Variants in MACROD1 observed in about 807,000 individuals in gnomAD.
MACROD1 encodes mono-ADP ribosylhydrolase 1.
In MACROD1, 31 loss-of-function variants were observed where a neutral mutation model predicts 41.4. That is an observed-to-expected ratio of 0.75 (90% CI 0.56 to 1.01). MACROD1 has a LOEUF of 1.01. MACROD1 is among the 50% of genes least tolerant of loss of function. MACROD1 has a pLI of 0.00. For synonymous variants in MACROD1, 252 were observed against 203.4 expected, an observed-to-expected ratio of 1.24 and a Z score of -2.03; for missense variants, 473 against 460.0, an observed-to-expected ratio of 1.03 and a Z score of -0.26.
At chr11:64,154,602 C>G (rs143651345) in intron 1 of MACROD1, among the ~76,000 whole-genome samples, 35 of 152,346 alleles carry the variant, frequency 2.3e-4, no homozygotes, top group African/African-American at 6.5e-4. Flanking sequence ...CCACCTCACT[C>G]CCAATGCTGC....
chr11:64,039,499 T>C (rs1306195972), intron 3 of MACROD1, among the ~76,000 whole-genome samples: 1 of 151,846 alleles, frequency 6.6e-6, no homozygotes, highest in Non-Finnish European at 1.5e-5. Context: ...GGCAGCTGCA[T>C]TCTGTCCTCT....
intron 3 of MACROD1, among the ~76,000 whole-genome samples, chr11:64,055,228 GA>G (rs1243103670): frequency 1.3e-5 from 2 of 152,248 alleles, no homozygotes; most frequent in East Asian, 3.8e-4. Context: ...GGAGCAGGGT[GA>G]GGGGCAGCCA....
At position 64,120,600 on chromosome 11, in the gene MACROD1, G is replaced by T. The variant is rs1378734959; in HGVS notation, c.517+30639C>A. ...CTCGGGAGGCTGAGGCAGGAGAATC[G>T]CTTGAACCAGGGAGGCAGAGGCTGC... is the stretch of plus-strand genomic sequence containing the variant. On this transcript the variant is annotated intron_variant, in intron 3 of 10. Coordinates refer to ENST00000255681, the MANE Select transcript of MACROD1 (RefSeq NM_014067.4). The surrounding 1 kb of genome is among the most constrained non-coding windows in gnomAD (Gnocchi z 4.5). 6.6e-6 allele frequency among the ~76,000 whole-genome samples: 1 copy of T among 152,052 alleles called. No homozygotes were observed. Among genetic ancestry groups the T allele is most frequent in the Non-Finnish European group, 1.5e-5 (1 of 67,996 alleles).
chr11:64,056,606 G>T (rs933270500), intron 3 of MACROD1, among the ~76,000 whole-genome samples: 4 of 152,234 alleles, frequency 2.6e-5, no homozygotes, highest in Admixed American at 1.3e-4. Context: ...CCTGAGTCCG[G>T]ATGGCAGCAG....
chr11:64,116,771 T>G, intron 3 of MACROD1: 1 of 1,613,556 alleles, frequency 6.2e-7, no homozygotes. Context: ...CCGTCAGCAT[T>G]GAGGAGGACG....
In MACROD1 at chr11:64,033,701, C is replaced by T. The variant is rs372460743; in HGVS notation, c.518-18420G>A. On this transcript the variant is annotated intron_variant, in intron 3 of 10. Transcript: ENST00000255681. ...GCTAAAAATACAAAAATTAGCCAGG[C>T]GTAGTGGTGCATTCCTGTAGTTCCA... Among the ~76,000 whole-genome samples, 82 of 151,882 alleles carry T rather than the reference C, an allele frequency of 5.4e-4. No individual in the cohort carries two copies. In the East Asian group the frequency reaches 0.013, roughly 25 times the overall value.
chr11:64,117,437 G>T lies in MACROD1; in HGVS notation c.517+33802C>A, dbSNP rs148382868. The T allele has an allele frequency of 1.3e-4, 202 of 1,612,902 alleles. No individual in the cohort carries two copies. The South Asian group carries it at 2.0e-3, about 16-fold the overall frequency. On this transcript the variant is annotated intron_variant, in intron 3 of 10. Transcript: ENST00000255681. ...GGCCGCAGGGCGGCGTGGCCAATGCGGCTGCCAAGACCACGGCCAGCAACC... is the reference window on the plus strand; with the variant it reads ...GGCCGCAGGGCGGCGTGGCCAATGCTGCTGCCAAGACCACGGCCAGCAACC...
intron 3 of MACROD1, chr11:64,148,838 G>A: frequency 1.0e-6 from 1 of 985,676 alleles, no homozygotes; most frequent in East Asian, 1.1e-4. Context: ...GGGCACAGGG[G>A]CTGGGGTGGG....
chr11:64,114,462 T>C (rs988321892), intron 3 of MACROD1, among the ~76,000 whole-genome samples: 10 of 148,998 alleles, frequency 6.7e-5, no homozygotes, highest in Admixed American at 1.3e-4. Context: ...AATGGATGGA[T>C]AGATGGATGG....
At chr11:64,002,636 G>A (rs918628838) in intron 4 of MACROD1, among the ~76,000 whole-genome samples, 1 of 152,086 alleles carries the variant, frequency 6.6e-6, no homozygotes, top group Non-Finnish European at 1.5e-5. Flanking sequence ...CAGCCTTCTC[G>A]CTCTCTCCCC....
chr11:64,068,427 A>G (rs1196854544), intron 3 of MACROD1, among the ~76,000 whole-genome samples: 1 of 152,250 alleles, frequency 6.6e-6, no homozygotes, highest in Non-Finnish European at 1.5e-5. Flanking sequence ...TGACCTCACC[A>G]GCTGCTAGCA....
rs1362668516 is a variant in MACROD1, at chr11:64,015,242, G to A, written c.547+10C>T. 6.2e-7 allele frequency: 1 copy of A among 1,600,758 alleles called. No individual in the cohort carries two copies. The highest frequency in any genetic ancestry group is 8.5e-7 in the Non-Finnish European group (1 of 1,173,814). ...CACCCCACCCCCACCAAGACAGAAGGTCCACTCACCGCCACCGCCTCCGAG... is the reference window on the plus strand; with the variant it reads ...CACCCCACCCCCACCAAGACAGAAGATCCACTCACCGCCACCGCCTCCGAG... On this transcript the variant is annotated intron_variant, in intron 4 of 10. Transcript: ENST00000255681.
chr11:64,001,835 T>C (rs1942831172), intron 4 of MACROD1: 1 of 687,630 alleles, frequency 1.5e-6, no homozygotes. Flanking sequence ...TGGGGTGCCG[T>C]GGCTGGGCTG....
intron 1 of MACROD1, among the ~76,000 whole-genome samples, chr11:64,164,608 G>T (rs200083307): frequency 1.3e-5 from 2 of 152,384 alleles, no homozygotes; most frequent in South Asian, 4.1e-4. Context: ...GTCACTTTTA[G>T]ATCCTGGCGC....
At chr11:64,034,037 C>A (rs926923600) in intron 3 of MACROD1, among the ~76,000 whole-genome samples, 1 of 152,180 alleles carries the variant, frequency 6.6e-6, no homozygotes, top group Non-Finnish European at 1.5e-5. Flanking sequence ...CATTCCACTG[C>A]GAGGCATTGA....
At chr11:64,161,048 G>A (rs935230784) in intron 1 of MACROD1, among the ~76,000 whole-genome samples, 1 of 151,692 alleles carries the variant, frequency 6.6e-6, no homozygotes, top group Non-Finnish European at 1.5e-5. Flanking sequence ...GCGGGTGCCT[G>A]TAATCCCAGC....
intron 3 of MACROD1, among the ~76,000 whole-genome samples, chr11:64,097,157 C>G (rs1306279859): frequency 1.3e-5 from 2 of 152,208 alleles, no homozygotes; most frequent in Non-Finnish European, 2.9e-5. Context: ...AGCTAGGGAA[C>G]CCTCCCCCTC....
At chr11:64,022,281 CG>C (rs980513225) in intron 3 of MACROD1, among the ~76,000 whole-genome samples, 1 of 152,016 alleles carries the variant, frequency 6.6e-6, no homozygotes, top group Non-Finnish European at 1.5e-5. Context: ...CCCCTGCCTC[CG>C]GGATGCCTCT....
intron 3 of MACROD1, among the ~76,000 whole-genome samples, chr11:64,134,553 T>C (rs892098990): frequency 6.6e-6 from 1 of 152,166 alleles, no homozygotes; most frequent in Non-Finnish European, 1.5e-5. Context: ...CCTGTTTACC[T>C]GGCATGAAGC....
Sources: allele counts gnomAD v4.1 joint callset (sites outside exome capture counted in the v4.1 genomes callset), GRCh38; gene constraint gnomAD v4.1.1; non-coding constraint Gnocchi (gnomAD v3.1); transcripts MANE v1.5; gene names NCBI Gene and HGNC (gene_info 2026-07-23, HGNC 2026-07-21).